The following PDE6A variants were observed in gnomAD, a reference collection of about 807,000 sequenced individuals.
PDE6A encodes the protein rod cGMP-specific 3',5'-cyclic phosphodiesterase subunit alpha.
A neutral mutation model predicts 106.3 loss-of-function variants in PDE6A; 84 were observed. That is an observed-to-expected ratio of 0.79 (90% CI 0.66 to 0.95). PDE6A has a LOEUF of 0.95. PDE6A is among the 40% of genes least tolerant of loss of function. PDE6A has a pLI of 0.00. For synonymous variants in PDE6A, 394 were observed against 386.6 expected, an observed-to-expected ratio of 1.02 and a Z score of -0.23; for missense variants, 1,052 against 1,084.9, an observed-to-expected ratio of 0.97 and a Z score of 0.43.
At chr5:149,893,370 C>T (rs938815497) in intron 13 of PDE6A, among the ~76,000 whole-genome samples, 1 of 152,196 alleles carries the variant, frequency 6.6e-6, no homozygotes, top group African/African-American at 2.4e-5. Flanking sequence ...AGGTTTTCCA[C>T]AGAAACAGAT....
At chr5:149,867,932 G>A in intron 18 of PDE6A, 133 bp from the exon 19 acceptor site, 1 of 1,114,706 alleles carries the variant, frequency 9.0e-7, no homozygotes, top group Non-Finnish European at 1.4e-6. Context: ...CCTCACTTTT[G>A]CTGTCATCAC....
chr5:149,932,476 CATT>C (rs1754065514), intron 3 of PDE6A: 2 of 1,403,284 alleles, frequency 1.4e-6, no homozygotes, highest in East Asian at 4.6e-5. Flanking sequence ...GAAACATCCT[CATT>C]ATTTCCTGCT....
At chr5:149,910,874 CTTTTTTTTTTTT>C (rs386405293) in intron 6 of PDE6A, among the ~76,000 whole-genome samples, 34 of 87,144 alleles carry the variant, frequency 3.9e-4, no homozygotes, top group African/African-American at 1.6e-3. Flanking sequence ...TTTCTTTTTC[CTTTTTTTTTTTT>C]TTTTTTTTTT....
At position 149,860,686 on chromosome 5, in the gene PDE6A, T is replaced by C. The variant is rs963443788; in HGVS notation, c.*209A>G. 1 of 472,366 alleles carries C rather than the reference T, an allele frequency of 2.1e-6. No individual in the cohort carries two copies. The allele number at this position is 472,366 out of a possible 1,614,324, so 29.3% of individuals were successfully genotyped here. A position where few individuals can be genotyped will look rare whatever the true frequency, so the allele number is the denominator to read the frequency against. ...TTTTAAGTTCAACAGCTATCATTAG[T>C]GTTACTGTATTTTATGTGTGACCCA... On this transcript the variant is annotated 3_prime_UTR_variant, in exon 22 of 22. Coordinates refer to ENST00000255266, the MANE Select transcript of PDE6A (RefSeq NM_000440.3).
chr5:149,883,455 C>T lies in PDE6A; in HGVS notation c.2109G>A (p.Leu703=). 1 of 1,613,126 alleles carries T rather than the reference C, an allele frequency of 6.2e-7. No individual in the cohort carries two copies. Among genetic ancestry groups the T allele is most frequent in the Non-Finnish European group, 8.5e-7 (1 of 1,179,082 alleles). The change falls in exon 17 of 22, where the codon CTG becomes CTA. Residue 703 remains leucine (L), a synonymous_variant. Coordinates refer to ENST00000255266, the MANE Select transcript of PDE6A (RefSeq NM_000440.3). ...SEQEWTQYMM[L]EQTRKEIVMA... Reference sequence around the variant, plus strand: ...TAACGATTTCCTTCCGTGTCTGCTCCAGCATCATGTACTGTGTCCACTCCT... The same window carrying T: ...TAACGATTTCCTTCCGTGTCTGCTCTAGCATCATGTACTGTGTCCACTCCT...
At chr5:149,896,681 CG>C in intron 11 of PDE6A, 29 bp downstream of exon 11, 1 of 1,614,062 alleles carries the variant, frequency 6.2e-7, no homozygotes, top group South Asian at 1.1e-5. Context: ...TGTTATACAT[CG>C]GGGCTCGTGC....
At chr5:149,894,846 G>T (rs193236574) in intron 13 of PDE6A, among the ~76,000 whole-genome samples, 1 of 151,944 alleles carries the variant, frequency 6.6e-6, no homozygotes, top group African/African-American at 2.4e-5. Context: ...GGCCAGGCTG[G>T]TCTTGAACTC....
intron 1 of PDE6A, among the ~76,000 whole-genome samples, chr5:149,936,642 T>A (rs1303980386): frequency 6.6e-6 from 1 of 152,202 alleles, no homozygotes; most frequent in African/African-American, 2.4e-5. Context: ...GCCAATTGAC[T>A]GGCATTTACA....
chr5:149,875,780 G>T (rs1760717718), intron 17 of PDE6A, among the ~76,000 whole-genome samples: 1 of 152,268 alleles, frequency 6.6e-6, no homozygotes, highest in East Asian at 1.9e-4. Flanking sequence ...TGGCCACTGT[G>T]CCTGGCCATA....
intron 13 of PDE6A, among the ~76,000 whole-genome samples, chr5:149,888,910 C>T (rs1427121313): frequency 2.0e-5 from 3 of 151,588 alleles, no homozygotes; most frequent in South Asian, 4.2e-4. Flanking sequence ...AGTGAAACCC[C>T]GTCTCTACTA....
chr5:149,874,332 T>C (rs996979096), intron 17 of PDE6A, among the ~76,000 whole-genome samples: 3 of 152,200 alleles, frequency 2.0e-5, no homozygotes, highest in Non-Finnish European at 4.4e-5. Flanking sequence ...AGTTGAAATG[T>C]GTCCCTGCGT....
intron 21 of PDE6A, among the ~76,000 whole-genome samples, chr5:149,862,106 G>A (rs1030790861): frequency 5.9e-5 from 9 of 152,174 alleles, no homozygotes; most frequent in Non-Finnish European, 8.8e-5. Flanking sequence ...CATGGGTGAA[G>A]AGGGATGGGT....
intron 1 of PDE6A, among the ~76,000 whole-genome samples, chr5:149,936,469 A>G (rs1329427185): frequency 2.6e-5 from 4 of 152,192 alleles, no homozygotes; most frequent in African/African-American, 9.7e-5. Context: ...GTATGCTCAG[A>G]TTCATTTCAT....
At chr5:149,888,423 A>G (rs1375084078) in intron 13 of PDE6A, among the ~76,000 whole-genome samples, 6 of 149,364 alleles carry the variant, frequency 4.0e-5, no homozygotes, top group Non-Finnish European at 5.9e-5. Context: ...ATAAGGATAT[A>G]TTAACATATA....
chr5:149,867,638 C>T (rs1318136586), intron 19 of PDE6A, 87 bp downstream of exon 19: 11 of 1,174,240 alleles, frequency 9.4e-6, no homozygotes, highest in Non-Finnish European at 1.4e-5. Context: ...GGTAAAGTCA[C>T]ACATCTCTCC....
intron 3 of PDE6A, chr5:149,931,867 ACCTC>A: frequency 1.7e-6 from 1 of 602,282 alleles, no homozygotes; most frequent in Non-Finnish European, 2.9e-6. Context: ...AGCAGGTGTT[ACCTC>A]CAGAGTTTCT....
chr5:149,941,129 T>G (rs531519232), intron 1 of PDE6A, among the ~76,000 whole-genome samples: 29 of 152,282 alleles, frequency 1.9e-4, no homozygotes, highest in African/African-American at 7.0e-4. Context: ...GTTAAAGAAA[T>G]TATTGCATAA....
intron 12 of PDE6A, 36 bp from the exon 13 acceptor site, chr5:149,895,326 C>T: frequency 7.3e-7 from 1 of 1,377,592 alleles, no homozygotes; most frequent in South Asian, 1.2e-5. Context: ...GCAGGACACA[C>T]CTGAAATGGT....
In PDE6A at chr5:149,926,583, T is replaced by C. The variant is rs114329805; in HGVS notation, c.858+4445A>G. 5.1e-3 allele frequency among the ~76,000 whole-genome samples: 783 copies of C among 152,326 alleles called. 4 individuals carry two copies. The highest frequency in any genetic ancestry group is 0.017 in the African/African-American group (715 of 41,568). On this transcript the variant is annotated intron_variant, in intron 4 of 21. Coordinates refer to ENST00000255266, the MANE Select transcript of PDE6A (RefSeq NM_000440.3). ...TACAATCTTAGATCCAGGAAAGATTTCCTCATTACAGCACAAGAATCAATG... is the reference window on the plus strand; with the variant it reads ...TACAATCTTAGATCCAGGAAAGATTCCCTCATTACAGCACAAGAATCAATG...
Sources: allele counts gnomAD v4.1 joint callset (sites outside exome capture counted in the v4.1 genomes callset), GRCh38; gene constraint gnomAD v4.1.1; transcripts MANE v1.5; gene names NCBI Gene and HGNC (gene_info 2026-07-23, HGNC 2026-07-21).